TBC1D22B: variants seen among roughly 807,000 people sequenced by gnomAD.
The protein encoded by TBC1D22B is TBC1 domain family member 22B, also known as chromosome 6 open reading frame 197.
A neutral mutation model predicts 69.1 loss-of-function variants in TBC1D22B; 32 were observed. The ratio of observed to expected loss-of-function variants is 0.46; its 90% CI spans 0.35 to 0.62. The LOEUF (loss-of-function observed/expected upper bound fraction) is 0.62. TBC1D22B is among the 20% of genes least tolerant of loss of function. The probability of loss-of-function intolerance (pLI) is 0.00; values close to 1 mark genes in which losing one functional copy is unlikely to be tolerated. For synonymous variants in TBC1D22B, 206 were observed against 229.8 expected (o/e 0.90, Z 0.94); for missense variants, 462 against 630.9 (o/e 0.73, Z 2.87).
chr6:37,277,615 G>A (rs890563608), intron 2 of TBC1D22B, among the ~76,000 whole-genome samples: 7 of 151,696 alleles, frequency 4.6e-5, no homozygotes, highest in Non-Finnish European at 8.8e-5. Context: ...ATAGGCATGC[G>A]CCACCATGCC....
intron 12 of TBC1D22B, among the ~76,000 whole-genome samples, chr6:37,330,199 T>TG (rs571023919): frequency 1.4e-3 from 208 of 151,658 alleles, no homozygotes; most frequent in African/African-American, 4.7e-3. Flanking sequence ...CTTCTATAGA[T>TG]GTTATAAATA....
At chr6:37,324,162 G>T in intron 12 of TBC1D22B, 1 of 386,986 alleles carries the variant, frequency 2.6e-6, no homozygotes, top group Non-Finnish European at 5.2e-6. Context: ...GAAAGTTCCA[G>T]TACTGCAAAG....
At chr6:37,268,843 C>T (rs1199257585) in intron 1 of TBC1D22B, among the ~76,000 whole-genome samples, 1 of 152,186 alleles carries the variant, frequency 6.6e-6, no homozygotes, top group East Asian at 1.9e-4. Context: ...TTTGTAAGAT[C>T]CATCCACATT....
chr6:37,258,914 G>C (rs1765954162), intron 1 of TBC1D22B, among the ~76,000 whole-genome samples: 1 of 149,828 alleles, frequency 6.7e-6, no homozygotes, highest in South Asian at 2.1e-4. Context: ...TTTTCTAATG[G>C]ATTCAGGTTT....
intron 1 of TBC1D22B, 72 bp downstream of exon 1, chr6:37,258,045 G>A: frequency 1.3e-6 from 2 of 1,537,282 alleles, no homozygotes; most frequent in Non-Finnish European, 1.8e-6. Flanking sequence ...TGAATCCCGC[G>A]GGCCTGGGGC....
chr6:37,280,074 G>A (rs970499739), intron 3 of TBC1D22B, among the ~76,000 whole-genome samples: 1 of 152,204 alleles, frequency 6.6e-6, no homozygotes, highest in South Asian at 2.1e-4. Flanking sequence ...GTTCCTGAGG[G>A]AGGGAGCAAA....
chr6:37,330,217 C>T (rs927497028), intron 12 of TBC1D22B, among the ~76,000 whole-genome samples: 6 of 111,422 alleles, frequency 5.4e-5, no homozygotes, highest in East Asian at 2.3e-4. Flanking sequence ...ATATTTTGTC[C>T]GTTTCTTTTT....
chr6:37,303,714 A>G (rs112015607), intron 8 of TBC1D22B, among the ~76,000 whole-genome samples: 38 of 152,302 alleles, frequency 2.5e-4, no homozygotes, highest in Middle Eastern at 6.8e-3. Flanking sequence ...CAAAATGGAC[A>G]TTGTAAATGT....
rs548427458 is a variant in TBC1D22B at position 37,277,621 on chromosome 6, A to G, written c.114-1683A>G. Among the ~76,000 whole-genome samples, 20 of 151,864 alleles carry G rather than the reference A, an allele frequency of 1.3e-4. No homozygotes were observed. The East Asian group carries it at 3.7e-3, about 28-fold the overall frequency. On this transcript the variant is annotated intron_variant, in intron 2 of 12. Transcript: ENST00000373491. ...GCTGGGATTATAGGCATGCGCCACC[A>G]TGCCTGGCTAATTTTTGTATTTTTT...
rs1377592444 is a variant in TBC1D22B, at chr6:37,279,516, T to G, written c.326T>G (p.Val109Gly). 1.2e-6 allele frequency: 2 copies of G among 1,613,892 alleles called. No homozygotes were observed. The highest frequency in any genetic ancestry group is 1.7e-6 in the Non-Finnish European group (2 of 1,179,990). Residue 109 changes from valine (V) to glycine (G), a missense_variant, in exon 3 of 13, where the codon GTA becomes GGA. Val to Gly is a moderately radical substitution (Grantham distance 109). Coordinates refer to ENST00000373491, the MANE Select transcript of TBC1D22B (RefSeq NM_017772.4). Reference sequence around the variant, plus strand: ...CTAGAAAACCACAGCAAGCTGAGAGTAAAACCAGAACGGTCCCAGTCAACG... The same window carrying G: ...CTAGAAAACCACAGCAAGCTGAGAGGAAAACCAGAACGGTCCCAGTCAACG... Reference protein sequence around the residue: ...QVLENHSKLRVKPERSQSTTS... With the variant: ...QVLENHSKLRGKPERSQSTTS...
chr6:37,268,899 G>A (rs1240865321), intron 1 of TBC1D22B, among the ~76,000 whole-genome samples: 1 of 152,124 alleles, frequency 6.6e-6, no homozygotes, highest in Non-Finnish European at 1.5e-5. Context: ...GGTGTATAAT[G>A]TTCTGCTATA....
chr6:37,320,775 T>C (rs1172533617), intron 12 of TBC1D22B, among the ~76,000 whole-genome samples: 1 of 151,934 alleles, frequency 6.6e-6, no homozygotes, highest in Non-Finnish European at 1.5e-5. Flanking sequence ...CACTGAGAGG[T>C]TTCCTTCCTG....
chr6:37,325,976 T>G (rs538874847), intron 12 of TBC1D22B, among the ~76,000 whole-genome samples: 77 of 152,258 alleles, frequency 5.1e-4, no homozygotes, highest in African/African-American at 1.8e-3. Flanking sequence ...TCACTTCCCT[T>G]GGGGGAAGTG....
Position 37,287,059 on chromosome 6 carries a change from C to G in TBC1D22B, c.854C>G (p.Pro285Arg). 1 of 1,603,754 alleles carries G rather than the reference C, an allele frequency of 6.2e-7. No individual in the cohort carries two copies. ...CCTCTCATTCCGTTGTTCCAGCAAC[C>G]ACTTGTACAGGAGGTGAGGGAATTA... ...TNPLIPLFQQ[P>R]LVQEIFERIL... The change falls in exon 7 of 13, where the codon CCA (proline) becomes CGA (arginine). Residue 285 changes from proline (P) to arginine (R), a missense_variant. Coordinates refer to ENST00000373491, the MANE Select transcript of TBC1D22B (RefSeq NM_017772.4).
intron 8 of TBC1D22B, among the ~76,000 whole-genome samples, chr6:37,292,835 C>G (rs1239012952): frequency 6.6e-6 from 1 of 152,174 alleles, no homozygotes; most frequent in Non-Finnish European, 1.5e-5. Flanking sequence ...ATTACTACCT[C>G]AACCCCATCA....
intron 2 of TBC1D22B, among the ~76,000 whole-genome samples, chr6:37,276,112 G>C (rs977902941): frequency 4.0e-5 from 6 of 151,632 alleles, no homozygotes; most frequent in African/African-American, 1.2e-4. Flanking sequence ...TTACAGGTGT[G>C]CACCACCACA....
intron 12 of TBC1D22B, among the ~76,000 whole-genome samples, chr6:37,322,231 C>A (rs1198702183): frequency 6.6e-6 from 1 of 152,164 alleles, no homozygotes; most frequent in Admixed American, 6.5e-5. Context: ...TGTTGCCACT[C>A]TGGTCCTAGA....
At chr6:37,312,354 A>G (rs1186020602) in intron 8 of TBC1D22B, among the ~76,000 whole-genome samples, 3 of 152,174 alleles carry the variant, frequency 2.0e-5, no homozygotes, top group African/African-American at 7.2e-5. Context: ...TGTTGGAATT[A>G]AGTCCTAGAA....
At chr6:37,306,096 C>T (rs1001279373) in intron 8 of TBC1D22B, among the ~76,000 whole-genome samples, 1 of 152,172 alleles carries the variant, frequency 6.6e-6, no homozygotes, top group Non-Finnish European at 1.5e-5. Context: ...CACTTGAAGA[C>T]AGTGTGTGCG....
Sources: allele counts gnomAD v4.1 joint callset (sites outside exome capture counted in the v4.1 genomes callset), GRCh38; gene constraint gnomAD v4.1.1; transcripts MANE v1.5; gene names NCBI Gene and HGNC (gene_info 2026-07-23, HGNC 2026-07-21).